The following GRIK2 variants were observed in gnomAD, a reference collection of about 807,000 sequenced individuals.
GRIK2 encodes the protein glutamate receptor ionotropic, kainate 2.
Under a neutral mutation model 100.3 loss-of-function variants are expected in GRIK2, and 32 were observed. The observed-to-expected ratio is 0.32, with a 90% CI of 0.24 to 0.43. The LOEUF (loss-of-function observed/expected upper bound fraction) is 0.43. Among genes scored for constraint, GRIK2 ranks in the 20% least tolerant of loss-of-function variants. The pLI is 1.00. For missense variants in GRIK2, 843 were observed against 1,114.9 expected (o/e 0.76, Z 3.47); for synonymous variants, 417 against 389.4 (o/e 1.07, Z -0.83).
At chr6:101,575,681 G>A (rs1322964663) in intron 2 of GRIK2, among the ~76,000 whole-genome samples, 1 of 151,870 alleles carries the variant, frequency 6.6e-6, no homozygotes, top group Non-Finnish European at 1.5e-5. Flanking sequence ...TGGTAATTTT[G>A]TTTTTATTTT....
chr6:101,660,406 T>C (rs964870079), intron 4 of GRIK2, among the ~76,000 whole-genome samples: 2 of 152,178 alleles, frequency 1.3e-5, no homozygotes, highest in African/African-American at 4.8e-5. Flanking sequence ...TTTCCTTGCA[T>C]TGGGTTAGAA....
rs185581016 is a variant in GRIK2, at chr6:101,620,661, T to A, written c.116-1288T>A. 1.3e-3 allele frequency among the ~76,000 whole-genome samples: 193 copies of A among 152,290 alleles called. 1 individual carries two copies. Among genetic ancestry groups the A allele is most frequent in the Non-Finnish European group, 2.3e-3 (159 of 68,024 alleles). On this transcript the variant is annotated intron_variant, in intron 2 of 16. Transcript: ENST00000369134. The stretch of plus-strand genomic sequence containing the variant: ...TGTGGAATAGCTTATTCAAGAAAGT[T>A]TAATTTATGAATGACTGTACGGGGA...
intron 7 of GRIK2, among the ~76,000 whole-genome samples, chr6:101,693,847 A>T (rs1372588487): frequency 6.6e-6 from 1 of 152,048 alleles, no homozygotes; most frequent in Non-Finnish European, 1.5e-5. Flanking sequence ...TATCATATGT[A>T]TATGTATATG....
chr6:101,682,636 G>A lies in GRIK2; in HGVS notation c.777+30G>A, dbSNP rs375023991. 1.4e-5 allele frequency: 13 copies of A among 901,950 alleles called. No homozygotes were observed. The East Asian group carries it at 2.0e-4, about 14-fold the overall frequency. The allele number at this position is 901,950 out of a possible 1,614,324, so 55.9% of individuals were successfully genotyped here. On this transcript the variant is annotated intron_variant, in intron 6 of 16. Transcript: ENST00000369134. ...GTACTTCATTAAAACAAAATGTTCT[G>A]AATTTTATTATTATGACTTTTTCAG... is the stretch of plus-strand genomic sequence containing the variant.
chr6:101,857,187 T>C (rs1784468214), intron 10 of GRIK2, among the ~76,000 whole-genome samples: 1 of 151,952 alleles, frequency 6.6e-6, no homozygotes, highest in African/African-American at 2.4e-5. Flanking sequence ...CTCCAAGGGA[T>C]GTGGAGGTAA....
At chr6:102,048,441 A>G (rs1056411405) in intron 15 of GRIK2, among the ~76,000 whole-genome samples, 1 of 152,126 alleles carries the variant, frequency 6.6e-6, no homozygotes, top group Non-Finnish European at 1.5e-5. Flanking sequence ...TTGTGAGAAA[A>G]TATTTGCAAG....
In GRIK2 at chr6:101,993,701, T is replaced by A. The variant is rs935456668; in HGVS notation, c.2086-41640T>A. ...TTAGAAATATGTACATATTTATCTA[T>A]CTATGCATAGATACTATTTCTTGAA... On this transcript the variant is annotated intron_variant, in intron 14 of 16. Transcript: ENST00000369134. 2 of 150,168 alleles carry A rather than the reference T, an allele frequency of 1.3e-5. 1 individual carries two copies. The highest frequency in any genetic ancestry group is 1.3e-4 in the Admixed American group (2 of 15,032). The allele number at this position is 150,168 out of a possible 1,614,324, so 9.3% of individuals were successfully genotyped here. A position where few individuals can be genotyped will look rare whatever the true frequency, so the allele number is the denominator to read the frequency against.
At chr6:101,914,956 T>A (rs1421447386) in intron 12 of GRIK2, among the ~76,000 whole-genome samples, 1 of 151,594 alleles carries the variant, frequency 6.6e-6, no homozygotes, top group African/African-American at 2.4e-5. Flanking sequence ...CATATCATTT[T>A]ACATTATGAA....
At position 101,928,646 on chromosome 6, in the gene GRIK2, G is replaced by A. The variant is rs778228876; in HGVS notation, c.2085+14G>A. ...ACTTTTTTCAAGGTAAGTTCTGCTG[G>A]TTACCTAAAATTTACAAATTAAAAT... On this transcript the variant is annotated intron_variant, in intron 14 of 16. Coordinates refer to ENST00000369134, the MANE Select transcript of GRIK2 (RefSeq NM_021956.5). The A allele has an allele frequency of 3.1e-6, 4 of 1,280,442 alleles. No homozygotes were observed. The highest frequency in any genetic ancestry group is 4.6e-6 in the Non-Finnish European group (4 of 876,142). 79.3% of individuals were successfully genotyped at this position (1,280,442 alleles called of 1,614,324 possible). A position where few individuals can be genotyped will look rare whatever the true frequency, so the allele number is the denominator to read the frequency against.
At chr6:101,533,060 T>A (rs1275043462) in intron 2 of GRIK2, among the ~76,000 whole-genome samples, 3 of 151,964 alleles carry the variant, frequency 2.0e-5, no homozygotes, top group African/African-American at 7.2e-5. Context: ...TATCTCCAAC[T>A]TTTCCATGAC....
chr6:101,842,278 CCT>C (rs1406207788), intron 10 of GRIK2, among the ~76,000 whole-genome samples: 1 of 152,042 alleles, frequency 6.6e-6, no homozygotes, highest in Non-Finnish European at 1.5e-5. Flanking sequence ...TTCTCTATAT[CCT>C]CTCTCAATTC....
At chr6:101,769,201 G>GA (rs890091113) in intron 7 of GRIK2, among the ~76,000 whole-genome samples, 35 of 151,676 alleles carry the variant, frequency 2.3e-4, no homozygotes, top group African/African-American at 7.0e-4. Flanking sequence ...GTTTTCCTTG[G>GA]AAAAAAAAGT....
chr6:101,535,052 T>C (rs886950679), intron 2 of GRIK2, among the ~76,000 whole-genome samples: 11 of 151,704 alleles, frequency 7.3e-5, no homozygotes, highest in African/African-American at 2.7e-4. Flanking sequence ...GCAAAGTAGT[T>C]TCATTTTGTG....
At chr6:101,922,112 C>CTTCCTTCA (rs1789575235) in intron 12 of GRIK2, among the ~76,000 whole-genome samples, 1 of 16,716 alleles carries the variant, frequency 6.0e-5, no homozygotes, top group African/African-American at 2.8e-4. Flanking sequence ...TCCTTCCTTC[C>CTTCCTTCA]TTCCTTCCTT....
intron 7 of GRIK2, among the ~76,000 whole-genome samples, chr6:101,789,778 T>C (rs1779709780): frequency 6.6e-6 from 1 of 152,202 alleles, no homozygotes; most frequent in Non-Finnish European, 1.5e-5. Flanking sequence ...TGGCATTGAA[T>C]CTATAAATTA....
chr6:101,637,290 A>G (rs2128322905), intron 4 of GRIK2, among the ~76,000 whole-genome samples: 1 of 152,226 alleles, frequency 6.6e-6, no homozygotes, highest in East Asian at 1.9e-4. Context: ...AGTTCCAGCC[A>G]TCACTGATCA....
At chr6:101,629,431 G>A (rs1334538443) in intron 4 of GRIK2, among the ~76,000 whole-genome samples, 2 of 151,992 alleles carry the variant, frequency 1.3e-5, no homozygotes, top group Non-Finnish European at 2.9e-5. Flanking sequence ...TGCCACGAAA[G>A]GAATTATATG....
chr6:101,906,968 ATAACATGG>A (rs1788274704), intron 12 of GRIK2, among the ~76,000 whole-genome samples: 1 of 151,764 alleles, frequency 6.6e-6, no homozygotes, highest in African/African-American at 2.4e-5. Context: ...AGCATTTTGA[ATAACATGG>A]TAAAATGACT....
At chr6:101,869,576 CATT>C (rs938001579) in intron 11 of GRIK2, among the ~76,000 whole-genome samples, 1 of 151,850 alleles carries the variant, frequency 6.6e-6, no homozygotes, top group Non-Finnish European at 1.5e-5. Context: ...ATTTTTTAAA[CATT>C]ATCCAATTTG....
Sources: gnomAD v4.1 joint callset for allele counts (sites outside exome capture counted in the v4.1 genomes callset) on GRCh38, gnomAD v4.1.1 for gene constraint, MANE v1.5 for transcripts, NCBI Gene and HGNC (gene_info 2026-07-23, HGNC 2026-07-21) for gene names.